Variants in OR2I1 observed in about 807,000 individuals in gnomAD.
OR2I1 encodes the protein putative olfactory receptor 2I1.
the OR2I1 span, chr6:29,556,605 C>T: frequency 2.0e-6 from 1 of 504,744 alleles, no homozygotes; most frequent in Non-Finnish European, 3.5e-6. Flanking sequence ...AATCCTGAGC[C>T]CCCAACCAAC....
chr6:29,556,419 C>T, the OR2I1 span: 2 of 1,145,068 alleles, frequency 1.7e-6, no homozygotes, highest in South Asian at 2.9e-5. Context: ...CTCCCCACCA[C>T]AATGGCTCCC....
the OR2I1 span, among the ~76,000 whole-genome samples, chr6:29,551,266 C>G: frequency 6.6e-6 from 1 of 152,182 alleles, no homozygotes; most frequent in African/African-American, 2.4e-5. Context: ...TTATTCATCT[C>G]TGATATGACC....
At chr6:29,553,698 G>T in the OR2I1 span, 455 of 398,504 alleles carry the variant, frequency 1.1e-3, 1 homozygote, top group Admixed American at 1.7e-3. Context: ...CGCAAACCGC[G>T]CTCCTGGCTG....
chr6:29,551,125 G>C, the OR2I1 span, among the ~76,000 whole-genome samples: 1 of 152,170 alleles, frequency 6.6e-6, no homozygotes, highest in African/African-American at 2.4e-5. Flanking sequence ...ATTTGAAGAG[G>C]AATGGTTTAG....
the OR2I1 span, chr6:29,555,836 A>G: frequency 6.7e-7 from 1 of 1,490,558 alleles, no homozygotes; most frequent in Non-Finnish European, 9.3e-7. Context: ...AGATTAAAAG[A>G]AATAAGCTTT....
the OR2I1 span, chr6:29,553,211 T>C: frequency 1.1e-3 from 428 of 398,398 alleles, 1 homozygote; most frequent in Non-Finnish European, 1.7e-3. Flanking sequence ...ATTCTGGGAG[T>C]TTTCCTCCTT....
chr6:29,556,392 C>A, the OR2I1 span: 2 of 1,484,326 alleles, frequency 1.3e-6, no homozygotes, highest in African/African-American at 1.4e-5. Flanking sequence ...AGGATGCCTG[C>A]CTCCTTTACA....
chr6:29,556,308 C>T, the OR2I1 span: 5 of 1,612,768 alleles, frequency 3.1e-6, no homozygotes, highest in Non-Finnish European at 4.2e-6. Context: ...TATGGGTTGG[C>T]ATCAAAGGTC....
chr6:29,556,381 T>TA, the OR2I1 span: 1 of 1,562,122 alleles, frequency 6.4e-7, no homozygotes, highest in African/African-American at 1.4e-5. Flanking sequence ...GACAGTTACC[T>TA]AGGATGCCTG....
At chr6:29,553,170 A>G in the OR2I1 span, 2 of 398,484 alleles carry the variant, frequency 5.0e-6, no homozygotes, top group Non-Finnish European at 8.8e-6. Flanking sequence ...TATAAGGGGT[A>G]GTCACCCTTT....
the OR2I1 span, among the ~76,000 whole-genome samples, chr6:29,551,566 T>C: frequency 1.8e-4 from 28 of 152,364 alleles, no homozygotes; most frequent in South Asian, 5.8e-3. Flanking sequence ...ATAGCAGTTG[T>C]ATCACTGCCT....
the OR2I1 span, chr6:29,554,420 A>G: frequency 2.9e-6 from 1 of 340,668 alleles, no homozygotes; most frequent in Non-Finnish European, 5.3e-6. Flanking sequence ...AGGGAAAATG[A>G]TGGACGTGAT....
At chr6:29,552,862 A>C in the OR2I1 span, 1 of 179,502 alleles carries the variant, frequency 5.6e-6, no homozygotes, top group Non-Finnish European at 1.2e-5. Context: ...AAATCAAGCA[A>C]GGTTAAGGTC....
the OR2I1 span, chr6:29,556,082 G>C: frequency 0.057 from 91,831 of 1,612,922 alleles, 10,448 homozygotes; most frequent in African/African-American, 0.45. Flanking sequence ...GTGCCTCTTT[G>C]CCTCATCACC....
At chr6:29,557,278 T>G in the OR2I1 span, 1 of 152,204 alleles carries the variant, frequency 6.6e-6, no homozygotes, top group Non-Finnish European at 1.5e-5. Context: ...CAGCTCACCC[T>G]GTGTTGGGGA....
chr6:29,556,879 T>G, the OR2I1 span: 1 of 154,944 alleles, frequency 6.5e-6, no homozygotes, highest in East Asian at 1.9e-4. Flanking sequence ...ATCATTTGAA[T>G]CCAGGAGGCA....
At chr6:29,551,505 T>C in the OR2I1 span, among the ~76,000 whole-genome samples, 1 of 152,248 alleles carries the variant, frequency 6.6e-6, no homozygotes, top group Admixed American at 6.5e-5. Flanking sequence ...TTGCCTAATA[T>C]TCAAGTGAGT....
At chr6:29,552,091 T>C in the OR2I1 span, among the ~76,000 whole-genome samples, 1 of 152,234 alleles carries the variant, frequency 6.6e-6, no homozygotes, top group African/African-American at 2.4e-5. Context: ...ATCCATTACA[T>C]AACCCATATG....
the OR2I1 span, chr6:29,556,288 C>T: frequency 7.4e-6 from 12 of 1,613,048 alleles, no homozygotes; most frequent in Non-Finnish European, 9.3e-6. Context: ...TGATTTTTTT[C>T]ACGCTGTCAT....
Sources: gnomAD v4.1 joint callset for allele counts (sites outside exome capture counted in the v4.1 genomes callset) on GRCh38, gnomAD v4.1.1 for gene constraint, MANE v1.5 for transcripts, NCBI Gene and HGNC (gene_info 2026-07-23, HGNC 2026-07-21) for gene names.